The following ALDOB variants were observed in gnomAD, a reference collection of about 807,000 sequenced individuals.
ALDOB encodes fructose-bisphosphate aldolase B.
ALDOB carries 39 observed loss-of-function variants against 41.0 expected under a neutral mutation model. The observed-to-expected ratio is 0.95, with a 90% CI of 0.74 to 1.24. ALDOB has a LOEUF of 1.24. Among genes scored for constraint, ALDOB ranks in the 50% most tolerant of loss-of-function variants. The pLI is 0.00. For missense variants in ALDOB, 530 were observed against 457.3 expected, an observed-to-expected ratio of 1.16 and a Z score of -1.45; for synonymous variants, 175 against 168.8, an observed-to-expected ratio of 1.04 and a Z score of -0.28.
chr9:101,430,751 T>C (rs373462484), intron 2 of ALDOB, 25 bp downstream of exon 2: 8 of 1,520,276 alleles, frequency 5.3e-6, no homozygotes, highest in South Asian at 3.4e-5. Context: ...TGTTGTTATA[T>C]GATGAGACTG....
chr9:101,425,017 C>G lies in ALDOB; in HGVS notation c.825G>C (p.Met275Ile), dbSNP rs1450679059. The G allele has an allele frequency of 6.2e-7, 1 of 1,614,214 alleles. No homozygotes were observed. The highest frequency in any genetic ancestry group is 8.5e-7 in the Non-Finnish European group (1 of 1,180,044). The change falls in exon 8 of 9, where the codon ATG becomes ATC. Residue 275 changes from methionine (M) to isoleucine (I), a missense_variant. Physicochemically the swap from Met to Ile is conservative, Grantham distance 10 (BLOSUM62 1). Coordinates refer to ENST00000647789, the MANE Select transcript of ALDOB (RefSeq NM_000035.4). ...GGTTGAGAGTGGCATCCTCTTCACTCATGCCACCAGACAAAAAGCAGATGC... is the reference window on the plus strand; with the variant it reads ...GGTTGAGAGTGGCATCCTCTTCACTGATGCCACCAGACAAAAAGCAGATGC... ...VPGICFLSGG[M>I]SEEDATLNLN...
chr9:101,430,314 A>G (rs1831198878), intron 2 of ALDOB, among the ~76,000 whole-genome samples: 1 of 152,106 alleles, frequency 6.6e-6, no homozygotes, highest in African/African-American at 2.4e-5. Context: ...CTTGATTCTC[A>G]GGGTTCTGTG....
chr9:101,431,111 A>G lies in ALDOB; in HGVS notation c.-10-214T>C, dbSNP rs538812530. 5.3e-5 allele frequency among the ~76,000 whole-genome samples: 8 copies of G among 152,322 alleles called. No homozygotes were observed. In the East Asian group the frequency reaches 1.5e-3, roughly 29 times the overall value. Reference sequence around the variant, plus strand: ...AATGAAGGTGGGTTACTGAATGTTCATGGTGATCCTAGACAGAATGCTTTC... The same window carrying G: ...AATGAAGGTGGGTTACTGAATGTTCGTGGTGATCCTAGACAGAATGCTTTC... On this transcript the variant is annotated intron_variant, in intron 1 of 8. Transcript: ENST00000647789.
chr9:101,431,352 C>T (rs1216273593), intron 1 of ALDOB, among the ~76,000 whole-genome samples: 3 of 152,206 alleles, frequency 2.0e-5, no homozygotes, highest in African/African-American at 4.8e-5. Flanking sequence ...GTAGTTCCAA[C>T]AGATTATTCT....
Position 101,425,488 on chromosome 9 carries a change from G to A in ALDOB, c.764C>T (p.Thr255Ile). The change falls in exon 7 of 9, where the codon ACA (threonine) becomes ATA (isoleucine). Residue 255 changes from threonine to isoleucine, a missense_variant. Thr to Ile is a moderately conservative substitution (Grantham distance 89). Transcript: ENST00000647789. ...TPEQVAMATVTALHRTVPAAV... is the reference protein window; with the variant it reads ...TPEQVAMATVIALHRTVPAAV... ...TGCAGGAACAGTACGGTGGAGAGCTGTTACGGTGGCCATAGCTACTTGTTC... is the reference window on the plus strand; with the variant it reads ...TGCAGGAACAGTACGGTGGAGAGCTATTACGGTGGCCATAGCTACTTGTTC... 6.2e-7 allele frequency: 1 copy of A among 1,614,164 alleles called. No individual in the cohort carries two copies. Among genetic ancestry groups the A allele is most frequent in the Non-Finnish European group, 8.5e-7 (1 of 1,180,034 alleles).
In ALDOB at chr9:101,427,481, C is replaced by G. The variant is rs2118354551; in HGVS notation, c.540+1G>C. On this transcript the variant is annotated splice_donor_variant, in intron 5 of 8. Coordinates refer to ENST00000647789, the MANE Select transcript of ALDOB (RefSeq NM_000035.4). LOFTEE classifies it high-confidence loss of function. The stretch of plus-strand genomic sequence containing the variant: ...TTCAGCCCAAGGGGAAGGCAGAGCA[C>G]CTGCTGACAGATGCTGGCGTAGCGA... The G allele has an allele frequency of 3.1e-6, 5 of 1,614,178 alleles. No individual in the cohort carries two copies. Among genetic ancestry groups the G allele is most frequent in the Non-Finnish European group, 4.2e-6 (5 of 1,180,028 alleles).
At position 101,430,817 on chromosome 9, in the gene ALDOB, A is replaced by G; in HGVS notation, c.71T>C (p.Val24Ala). The G allele has an allele frequency of 6.2e-7, 1 of 1,614,192 alleles. No homozygotes were observed. Among genetic ancestry groups the G allele is most frequent in the East Asian group, 2.2e-5 (1 of 44,886 alleles). ...KELSEIAQSI[V>A]ANGKGILAAD... ...AGCCAGGATCCCCTTTCCATTGGCA[A>G]CAATGCTCTGGGCAATTTCTGAGAG... is the stretch of plus-strand genomic sequence containing the variant. Residue 24 changes from valine (V) to alanine (A), a missense_variant, in exon 2 of 9, where the codon GTT becomes GCT. Transcript: ENST00000647789.
chr9:101,434,947 TA>T (rs1230963546), intron 1 of ALDOB, among the ~76,000 whole-genome samples: 4 of 152,180 alleles, frequency 2.6e-5, no homozygotes, highest in African/African-American at 4.8e-5. Flanking sequence ...AAAGAGAAGT[TA>T]TTTTTTAAAA....
intron 8 of ALDOB, among the ~76,000 whole-genome samples, chr9:101,422,732 A>G (rs1831066484): frequency 6.6e-6 from 1 of 152,242 alleles, no homozygotes; most frequent in Non-Finnish European, 1.5e-5. Flanking sequence ...ATGATTTATT[A>G]CATATTTTAA....
Position 101,425,530 on chromosome 9 carries a change from G to C in ALDOB, c.722C>G (p.Thr241Ser), listed in dbSNP as rs774265180. The change falls in exon 7 of 9, where the codon ACC becomes AGC. Residue 241 changes from threonine (T) to serine (S), a missense_variant. Coordinates refer to ENST00000647789, the MANE Select transcript of ALDOB (RefSeq NM_000035.4). The part of the protein sequence containing the change: ...PNMVTAGHAC[T>S]KKYTPEQVAM... ...TACTTGTTCTGGAGTATACTTCTTG[G>C]TGCAGGCATGTCCAGCAGTCACCAT... 1 of 1,614,018 alleles carries C rather than the reference G, an allele frequency of 6.2e-7. No individual in the cohort carries two copies. The highest frequency in any genetic ancestry group is 8.5e-7 in the Non-Finnish European group (1 of 1,180,032).
chr9:101,427,277 T>C (rs1235465374), intron 5 of ALDOB, among the ~76,000 whole-genome samples: 1 of 152,108 alleles, frequency 6.6e-6, no homozygotes, highest in Non-Finnish European at 1.5e-5. Context: ...TCCTTTGAAC[T>C]CATAGCTTAG....
intron 1 of ALDOB, among the ~76,000 whole-genome samples, chr9:101,432,685 T>C (rs528264177): frequency 2.0e-5 from 3 of 152,334 alleles, no homozygotes; most frequent in African/African-American, 7.2e-5. Flanking sequence ...TTGGGCTCTT[T>C]TCCCCTCCCA....
rs1273017099 is a variant in ALDOB, at chr9:101,425,732, T to C, written c.625-105A>G. 90 of 1,299,950 alleles carry C rather than the reference T, an allele frequency of 6.9e-5. No individual in the cohort carries two copies. In the South Asian group the frequency reaches 9.9e-4, roughly 14 times the overall value. 80.5% of individuals were successfully genotyped at this position (1,299,950 alleles called of 1,614,324 possible). ...GGAGGCAGGATGAAGGAATTCTTAT[T>C]TGTTGCTTGGCAAAAGCTTCTGAAC... On this transcript the variant is annotated intron_variant, in intron 6 of 8. Coordinates refer to ENST00000647789, the MANE Select transcript of ALDOB (RefSeq NM_000035.4).
intron 6 of ALDOB, among the ~76,000 whole-genome samples, chr9:101,425,870 C>T (rs1831121221): frequency 6.6e-6 from 1 of 152,202 alleles, no homozygotes; most frequent in Admixed American, 6.5e-5. Context: ...GCATGAATGA[C>T]AGGCATGGCT....
In ALDOB at chr9:101,424,856, A is replaced by G. The variant is rs1831099735; in HGVS notation, c.986T>C (p.Met329Thr). Reference sequence around the variant, plus strand: ...GCAGCATCTTACCATGGCCCGCTTCATAAAAGCCTCCTGGGTTGCCTCCTT... The same window carrying G: ...GCAGCATCTTACCATGGCCCGCTTCGTAAAAGCCTCCTGGGTTGCCTCCTT... ...ANKEATQEAF[M>T]KRAMANCQAA... The change falls in exon 8 of 9, where the codon ATG (methionine) becomes ACG (threonine). Residue 329 changes from methionine to threonine, a missense_variant. Coordinates refer to ENST00000647789, the MANE Select transcript of ALDOB (RefSeq NM_000035.4). 6.2e-7 allele frequency: 1 copy of G among 1,613,198 alleles called. No homozygotes were observed. The highest frequency in any genetic ancestry group is 8.5e-7 in the Non-Finnish European group (1 of 1,180,040).
intron 1 of ALDOB, among the ~76,000 whole-genome samples, chr9:101,434,717 G>A (rs1358990920): frequency 6.6e-6 from 1 of 152,194 alleles, no homozygotes; most frequent in African/African-American, 2.4e-5. Flanking sequence ...GAGCAGCCCA[G>A]AACGAGTCCT....
At chr9:101,428,636 G>C in intron 3 of ALDOB, 113 bp from the exon 4 acceptor site, 1 of 938,100 alleles carries the variant, frequency 1.1e-6, no homozygotes. Flanking sequence ...TTAGTAAAGT[G>C]TATTAGTGCG....
At chr9:101,428,435 T>G (rs780908685) in intron 4 of ALDOB, 34 bp downstream of exon 4, 4 of 1,596,694 alleles carry the variant, frequency 2.5e-6, no homozygotes, top group Non-Finnish European at 2.6e-6. Context: ...TAGCTTACAC[T>G]GGCATGATTC....
intron 4 of ALDOB, 87 bp downstream of exon 4, chr9:101,428,382 T>C: frequency 8.3e-7 from 1 of 1,199,652 alleles, no homozygotes; most frequent in Non-Finnish European, 1.2e-6. Context: ...GTAATAGTTG[T>C]GTTTTGTTTT....
Sources: gnomAD v4.1 joint callset for allele counts (sites outside exome capture counted in the v4.1 genomes callset) on GRCh38, gnomAD v4.1.1 for gene constraint, MANE v1.5 for transcripts, NCBI Gene and HGNC (gene_info 2026-07-23, HGNC 2026-07-21) for gene names.